FBXL17: variants seen among roughly 807,000 people sequenced by gnomAD.
FBXL17 encodes F-box/LRR-repeat protein 17.
A neutral mutation model predicts 66.2 loss-of-function variants in FBXL17; 22 were observed. That is an observed-to-expected ratio of 0.33 (90% CI 0.24 to 0.47). FBXL17 has a LOEUF of 0.47. Among genes scored for constraint, FBXL17 ranks in the 20% least tolerant of loss-of-function variants. The pLI, the probability that FBXL17 is intolerant of heterozygous loss-of-function variation, is 1.00. For missense variants in FBXL17, 878 were observed against 948.2 expected, an observed-to-expected ratio of 0.93 and a Z score of 0.97; for synonymous variants, 474 against 400.5, an observed-to-expected ratio of 1.18 and a Z score of -2.19.
At chr5:107,931,388 T>C (rs572443344) in intron 7 of FBXL17, among the ~76,000 whole-genome samples, 1 of 151,726 alleles carries the variant, frequency 6.6e-6, no homozygotes, top group East Asian at 1.9e-4. Context: ...GCCTCCCAAG[T>C]AGCTGGAACT....
rs559466207 is a variant in FBXL17, at chr5:108,131,598, T to G, written c.1745+54519A>C. On this transcript the variant is annotated intron_variant, in intron 6 of 8. Transcript: ENST00000542267. ...AACTAATCACCACTGTGTATTCCCT[T>G]ATATTCTCAGAGCAGCAAGAGACCA... 3.9e-5 allele frequency among the ~76,000 whole-genome samples: 6 copies of G among 152,288 alleles called. No homozygotes were observed. In the South Asian group the frequency reaches 1.0e-3, roughly 26 times the overall value.
chr5:108,296,087 G>A (rs769427962), intron 4 of FBXL17, among the ~76,000 whole-genome samples: 1 of 151,764 alleles, frequency 6.6e-6, no homozygotes, highest in South Asian at 2.1e-4. Flanking sequence ...TGGAATAGAT[G>A]AGGAAGACTG....
At chr5:108,163,354 T>A (rs1201192545) in intron 6 of FBXL17, among the ~76,000 whole-genome samples, 1 of 151,280 alleles carries the variant, frequency 6.6e-6, no homozygotes, top group Non-Finnish European at 1.5e-5. Context: ...TACACGAAAA[T>A]GGGCTAAGAT....
At chr5:108,022,918 TC>T (rs1754654655) in intron 6 of FBXL17, among the ~76,000 whole-genome samples, 1 of 152,048 alleles carries the variant, frequency 6.6e-6, no homozygotes, top group South Asian at 2.1e-4. Flanking sequence ...GCATCAGGTT[TC>T]CCCGCTATTC....
chr5:108,020,528 C>G (rs1405375924), intron 7 of FBXL17, among the ~76,000 whole-genome samples: 1 of 151,856 alleles, frequency 6.6e-6, no homozygotes, highest in Non-Finnish European at 1.5e-5. Flanking sequence ...AGAATGTCAG[C>G]AGATATGCCT....
chr5:107,969,833 G>A (rs1203050048), intron 7 of FBXL17, among the ~76,000 whole-genome samples: 29 of 152,086 alleles, frequency 1.9e-4, no homozygotes, highest in Admixed American at 1.8e-3. Flanking sequence ...GGACAGTGGG[G>A]AATACATGGG....
At chr5:108,276,895 G>A (rs1240161164) in intron 4 of FBXL17, among the ~76,000 whole-genome samples, 1 of 151,860 alleles carries the variant, frequency 6.6e-6, no homozygotes, top group Admixed American at 6.6e-5. Flanking sequence ...TAAAACATAA[G>A]CCAATGCATA....
At chr5:108,032,355 T>TA (rs1746674221) in intron 6 of FBXL17, among the ~76,000 whole-genome samples, 1 of 152,102 alleles carries the variant, frequency 6.6e-6, no homozygotes, top group African/African-American at 2.4e-5. Flanking sequence ...CTGGCACACT[T>TA]AAAAAATACC....
intron 5 of FBXL17, among the ~76,000 whole-genome samples, chr5:108,209,929 C>T (rs186719244): frequency 2.0e-5 from 3 of 152,166 alleles, no homozygotes; most frequent in African/African-American, 7.2e-5. Flanking sequence ...TGCTGTGAAT[C>T]CGTCTGGTCC....
intron 4 of FBXL17, among the ~76,000 whole-genome samples, chr5:108,335,953 G>C (rs1007376569): frequency 6.6e-6 from 1 of 151,934 alleles, no homozygotes; most frequent in African/African-American, 2.4e-5. Context: ...ATAAACAATA[G>C]TTTGGCAGAA....
At chr5:108,367,212 C>CA (rs1748722473) in intron 2 of FBXL17, among the ~76,000 whole-genome samples, 1 of 151,870 alleles carries the variant, frequency 6.6e-6, no homozygotes, top group African/African-American at 2.4e-5. Context: ...TGGAATCTAA[C>CA]AAGTCAAAAA....
intron 8 of FBXL17, among the ~76,000 whole-genome samples, chr5:107,874,853 G>A (rs572011684): frequency 2.6e-5 from 4 of 152,320 alleles, no homozygotes; most frequent in African/African-American, 9.6e-5. Flanking sequence ...GTGCTCCTAT[G>A]TGAAAATCAC....
chr5:108,231,478 T>C (rs990390738), intron 4 of FBXL17, among the ~76,000 whole-genome samples: 1 of 152,180 alleles, frequency 6.6e-6, no homozygotes, highest in Non-Finnish European at 1.5e-5. Context: ...GGTTTATCCA[T>C]GTTAGTCCAT....
At chr5:108,070,783 G>C (rs1425154988) in intron 6 of FBXL17, among the ~76,000 whole-genome samples, 1 of 152,190 alleles carries the variant, frequency 6.6e-6, no homozygotes, top group Non-Finnish European at 1.5e-5. Context: ...AATAGTTCGA[G>C]AGTGCAGCAG....
chr5:108,280,422 C>T (rs1757655957), intron 4 of FBXL17, among the ~76,000 whole-genome samples: 1 of 151,948 alleles, frequency 6.6e-6, no homozygotes, highest in Admixed American at 6.6e-5. Flanking sequence ...GGAGTCATTG[C>T]TATTAGACTG....
At chr5:107,999,481 A>AC in intron 7 of FBXL17, among the ~76,000 whole-genome samples, 1 of 148,688 alleles carries the variant, frequency 6.7e-6, no homozygotes, top group East Asian at 2.0e-4. Flanking sequence ...ACACACACAC[A>AC]CACCACACAC....
At chr5:108,231,566 C>T (rs79514209) in intron 4 of FBXL17, among the ~76,000 whole-genome samples, 9,888 of 152,094 alleles carry the variant, frequency 0.065, 1,079 homozygotes, top group African/African-American at 0.22. Flanking sequence ...TTCCTGTTCC[C>T]GCAACAGTAC....
intron 4 of FBXL17, among the ~76,000 whole-genome samples, chr5:108,280,640 A>G (rs886095242): frequency 1.3e-5 from 2 of 151,964 alleles, no homozygotes; most frequent in African/African-American, 4.8e-5. Context: ...CAATTACAAC[A>G]TGACAGGACT....
intron 6 of FBXL17, among the ~76,000 whole-genome samples, chr5:108,145,821 C>CAAT (rs139233106): frequency 0.3 from 43,257 of 146,012 alleles, 7,239 homozygotes; most frequent in Admixed American, 0.39. Context: ...GTTGCCTAAA[C>CAAT]AATAATAATA....
Sources: gnomAD v4.1 joint callset for allele counts (sites outside exome capture counted in the v4.1 genomes callset) on GRCh38, gnomAD v4.1.1 for gene constraint, MANE v1.5 for transcripts, NCBI Gene and HGNC (gene_info 2026-07-23, HGNC 2026-07-21) for gene names.